Variants in ARL15 observed in about 807,000 individuals in gnomAD.
The protein encoded by ARL15 is ADP-ribosylation factor-like protein 15.
A neutral mutation model predicts 25.2 loss-of-function variants in ARL15; 19 were observed. The observed-to-expected ratio is 0.75, with a 90% CI of 0.53 to 1.10. The LOEUF (loss-of-function observed/expected upper bound fraction) is 1.10, where lower values mean the gene tolerates loss of function less well. ARL15 is among the 50% of genes least tolerant of loss of function. ARL15 has a pLI of 0.00. For missense variants in ARL15, 220 were observed against 246.0 expected, an observed-to-expected ratio of 0.89 and a Z score of 0.71; for synonymous variants, 94 against 86.8, an observed-to-expected ratio of 1.08 and a Z score of -0.46.
chr5:53,908,841 G>C (rs983005045), intron 4 of ARL15, among the ~76,000 whole-genome samples: 6 of 152,320 alleles, frequency 3.9e-5, no homozygotes, highest in Non-Finnish European at 7.3e-5. Flanking sequence ...TGAGAAGGGT[G>C]TGTAGGATAT....
chr5:54,005,795 G>T (rs1257655695), intron 4 of ARL15, among the ~76,000 whole-genome samples: 1 of 151,616 alleles, frequency 6.6e-6, no homozygotes, highest in African/African-American at 2.4e-5. Flanking sequence ...CCAGGAGGCG[G>T]AGCGTGCAGT....
chr5:54,137,559 A>T lies in ARL15; in HGVS notation c.253+17021T>A, dbSNP rs146265549. ...AGGTTAATATTTCAGCTTCTCTAAT[A>T]AACCTGGGGTAGACACCATGATACA... On this transcript the variant is annotated intron_variant, in intron 3 of 4. Coordinates refer to ENST00000504924, the MANE Select transcript of ARL15 (RefSeq NM_019087.3). Among the ~76,000 whole-genome samples, 36 of 152,342 alleles carry T rather than the reference A, an allele frequency of 2.4e-4. No homozygotes were observed. The East Asian group carries it at 6.9e-3, about 29-fold the overall frequency.
In ARL15 at chr5:54,060,537, T is replaced by C. The variant is rs10061179; in HGVS notation, c.462+52665A>G. On this transcript the variant is annotated intron_variant, in intron 4 of 4. Coordinates refer to ENST00000504924, the MANE Select transcript of ARL15 (RefSeq NM_019087.3). ...TGCTGCCATCCACGTAAGATGTGAC[T>C]TGCTCCCCCTTGCCTTCCACCATGA... 5.4e-3 allele frequency among the ~76,000 whole-genome samples: 824 copies of C among 152,332 alleles called. 4 individuals carry two copies. Among genetic ancestry groups the C allele is most frequent in the African/African-American group, 0.019 (775 of 41,586 alleles).
intron 3 of ARL15, among the ~76,000 whole-genome samples, chr5:54,152,787 C>A (rs1343019136): frequency 6.6e-6 from 1 of 152,202 alleles, no homozygotes; most frequent in Non-Finnish European, 1.5e-5. Context: ...TCCATTTCAG[C>A]AACTGTCAGG....
chr5:54,167,057 C>G (rs768027819), intron 2 of ARL15, among the ~76,000 whole-genome samples: 2 of 152,194 alleles, frequency 1.3e-5, no homozygotes, highest in Non-Finnish European at 2.9e-5. Context: ...TTGCCAAGTA[C>G]TCTACCCAGT....
chr5:54,063,271 T>TA (rs1751121867), intron 4 of ARL15, among the ~76,000 whole-genome samples: 1 of 152,218 alleles, frequency 6.6e-6, no homozygotes, highest in Non-Finnish European at 1.5e-5. Context: ...TGTGGCTTGA[T>TA]AGACGTTTCC....
intron 4 of ARL15, among the ~76,000 whole-genome samples, chr5:54,006,394 A>G (rs899073069): frequency 5.3e-5 from 8 of 152,206 alleles, no homozygotes; most frequent in Non-Finnish European, 1.2e-4. Context: ...ACACATGGAT[A>G]TATGTGTGTA....
intron 4 of ARL15, among the ~76,000 whole-genome samples, chr5:54,020,588 A>T (rs1749566782): frequency 6.6e-6 from 1 of 152,218 alleles, no homozygotes; most frequent in Non-Finnish European, 1.5e-5. Context: ...ATGAAATAAT[A>T]GCCAAAGTGT....
intron 4 of ARL15, among the ~76,000 whole-genome samples, chr5:53,980,891 G>T (rs1269200757): frequency 6.6e-6 from 1 of 152,106 alleles, no homozygotes; most frequent in Admixed American, 6.5e-5. Flanking sequence ...TGAGGCCGTA[G>T]GGTCACCTGA....
intron 2 of ARL15, among the ~76,000 whole-genome samples, chr5:54,170,860 T>C (rs1579869949): frequency 1.3e-5 from 2 of 152,224 alleles, no homozygotes; most frequent in East Asian, 3.8e-4. Context: ...ACACTGGACC[T>C]AGCACATAGT....
chr5:54,068,170 C>A (rs1475490334), intron 4 of ARL15, among the ~76,000 whole-genome samples: 1 of 152,206 alleles, frequency 6.6e-6, no homozygotes, highest in Non-Finnish European at 1.5e-5. Context: ...TCACTCCAAA[C>A]TATCTTCTTC....
chr5:54,238,453 T>C lies in ARL15; in HGVS notation c.49-66525A>G, dbSNP rs1756866821. ...CGGTGAGTGAAACCTTCCCGACTTC[T>C]AAAACCAGCTCCAAGTCAAGTCTGT... On this transcript the variant is annotated intron_variant, in intron 1 of 4. Transcript: ENST00000504924. Among the ~76,000 whole-genome samples, 3 of 152,188 alleles carry C rather than the reference T, an allele frequency of 2.0e-5. No homozygotes were observed. In the South Asian group the frequency reaches 6.2e-4, roughly 31 times the overall value.
At chr5:54,289,143 A>G (rs1252130110) in intron 1 of ARL15, among the ~76,000 whole-genome samples, 1 of 152,218 alleles carries the variant, frequency 6.6e-6, no homozygotes, top group African/African-American at 2.4e-5. Context: ...AGGATTTTAG[A>G]TGCCCAAGCT....
chr5:54,221,828 C>T (rs1219144718), intron 1 of ARL15, among the ~76,000 whole-genome samples: 6 of 11,600 alleles, frequency 5.2e-4, no homozygotes, highest in Non-Finnish European at 9.1e-4. Context: ...GAAACATGCA[C>T]ACACACACAC....
At position 54,108,076 on chromosome 5, in the gene ARL15, T is replaced by C. The variant is rs556071015; in HGVS notation, c.462+5126A>G. On this transcript the variant is annotated intron_variant, in intron 4 of 4. Transcript: ENST00000504924. ...AATAAATAAAATATTCTGGCTGTTT[T>C]AGTACTTACAGCTTAAAAGTTGCTC... Among the ~76,000 whole-genome samples the C allele has an allele frequency of 5.9e-5, 9 of 152,276 alleles. No individual in the cohort carries two copies. In the South Asian group the frequency reaches 1.9e-3, roughly 32 times the overall value.
At chr5:54,274,202 C>A (rs3776650) in intron 1 of ARL15, among the ~76,000 whole-genome samples, 24,047 of 150,248 alleles carry the variant, frequency 0.16, 2,472 homozygotes, top group East Asian at 0.41. Flanking sequence ...TTAGGGGCAG[C>A]AAGAGAGTCG....
intron 4 of ARL15, among the ~76,000 whole-genome samples, chr5:54,029,372 CACCACT>C (rs1287975473): frequency 1.1e-3 from 148 of 138,622 alleles, no homozygotes; most frequent in Middle Eastern, 3.7e-3. Flanking sequence ...CCACCACCAC[CACCACT>C]ACACCTAGAG....
At chr5:54,113,507 T>A in intron 3 of ARL15, 97 bp from the exon 4 acceptor site, 2 of 1,165,780 alleles carry the variant, frequency 1.7e-6, no homozygotes, top group South Asian at 1.5e-5. Flanking sequence ...ATGTACCTTT[T>A]AAAAATTAAG....
intron 4 of ARL15, among the ~76,000 whole-genome samples, chr5:53,914,587 T>C (rs1280173895): frequency 6.6e-6 from 1 of 152,108 alleles, no homozygotes. Flanking sequence ...TGCAAATTCT[T>C]TGGGATGAAG....
Sources: allele counts gnomAD v4.1 joint callset (sites outside exome capture counted in the v4.1 genomes callset), GRCh38; gene constraint gnomAD v4.1.1; transcripts MANE v1.5; gene names NCBI Gene and HGNC (gene_info 2026-07-23, HGNC 2026-07-21).